RAPH1: variants seen among roughly 807,000 people sequenced by gnomAD.
The protein encoded by RAPH1 is ras-associated and pleckstrin homology domains-containing protein 1.
RAPH1 carries 18 observed loss-of-function variants against 88.1 expected under a neutral mutation model. The ratio of observed to expected loss-of-function variants is 0.20; its 90% CI spans 0.14 to 0.30. RAPH1 has a LOEUF of 0.30. RAPH1 is among the 10% of genes least tolerant of loss of function. The pLI, the probability that RAPH1 is intolerant of heterozygous loss-of-function variation, is 1.00. For missense variants in RAPH1, 1,448 were observed against 1,543.2 expected (o/e 0.94, Z 1.03); for synonymous variants, 587 against 559.0 (o/e 1.05, Z -0.71).
intron 4 of RAPH1, among the ~76,000 whole-genome samples, chr2:203,484,137 A>G: frequency 6.6e-6 from 1 of 152,212 alleles, no homozygotes; most frequent in East Asian, 1.9e-4. Context: ...GATATTGATT[A>G]GAGATGGAAT....
intron 1 of RAPH1, among the ~76,000 whole-genome samples, chr2:203,523,504 A>T (rs1446142486): frequency 2.0e-5 from 3 of 152,130 alleles, no homozygotes; most frequent in Non-Finnish European, 4.4e-5. Context: ...GATATCACTC[A>T]TAAACAAAAA....
intron 1 of RAPH1, among the ~76,000 whole-genome samples, chr2:203,508,210 A>G (rs1048331895): frequency 6.9e-6 from 1 of 144,298 alleles, no homozygotes; most frequent in African/African-American, 2.6e-5. Context: ...CAACAGAGCA[A>G]GACTCTGTCT....
chr2:203,489,152 GAA>G (rs149623019), intron 4 of RAPH1, among the ~76,000 whole-genome samples: 1 of 140,534 alleles, frequency 7.1e-6, no homozygotes. Context: ...AAAAAAAGGA[GAA>G]AAAAAAAAAG....
intron 1 of RAPH1, among the ~76,000 whole-genome samples, chr2:203,521,091 TTG>T (rs1259132138): frequency 6.6e-6 from 1 of 152,198 alleles, no homozygotes; most frequent in African/African-American, 2.4e-5. Context: ...TCTTGCTCTG[TTG>T]CCCAGCCTGG....
intron 7 of RAPH1, 36 bp from the exon 8 acceptor site, chr2:203,457,631 G>C: frequency 6.9e-7 from 1 of 1,446,180 alleles, no homozygotes. Flanking sequence ...ATGGGTGGGA[G>C]AGAAAAAAAG....
At chr2:203,495,817 G>A (rs1057187773) in intron 1 of RAPH1, among the ~76,000 whole-genome samples, 1 of 152,108 alleles carries the variant, frequency 6.6e-6, no homozygotes, top group Admixed American at 6.6e-5. Context: ...AGTCCAACAA[G>A]TATTTAAGAG....
chr2:203,448,642 T>G lies in RAPH1; in HGVS notation c.1512+96A>C. 1 of 762,544 alleles carries G rather than the reference T, an allele frequency of 1.3e-6. No individual in the cohort carries two copies. The highest frequency in any genetic ancestry group is 2.9e-5 in the East Asian group (1 of 34,870). The allele number at this position is 762,544 out of a possible 1,614,324, so 47.2% of individuals were successfully genotyped here. A position where few individuals can be genotyped will look rare whatever the true frequency, so the allele number is the denominator to read the frequency against. ...AAAAACGTAGGCACTGGCAAATCCATGAACATGAAATAGTCAGAATAGTTG... is the reference window on the plus strand; with the variant it reads ...AAAAACGTAGGCACTGGCAAATCCAGGAACATGAAATAGTCAGAATAGTTG... On this transcript the variant is annotated intron_variant, in intron 11 of 13. Transcript: ENST00000319170. This position sits in a 1 kb window ranked among gnomAD's most constrained non-coding sequence, Gnocchi z 4.1.
At chr2:203,505,883 C>T (rs1417445334) in intron 1 of RAPH1, among the ~76,000 whole-genome samples, 3 of 152,158 alleles carry the variant, frequency 2.0e-5, no homozygotes, top group Non-Finnish European at 2.9e-5. Context: ...CACTTCAGAC[C>T]TTTTGCTGTT....
Position 203,436,159 on chromosome 2 carries a change from A to G in RAPH1, c.*3278T>C, listed in dbSNP as rs2098498320. ...GGGACCCAAGACAGTTCACCAAGATAGTTCACAGCCCTTTGCAGGATATGC... is the reference window on the plus strand; with the variant it reads ...GGGACCCAAGACAGTTCACCAAGATGGTTCACAGCCCTTTGCAGGATATGC... On this transcript the variant is annotated 3_prime_UTR_variant, in exon 14 of 14. Coordinates refer to ENST00000319170, the MANE Select transcript of RAPH1 (RefSeq NM_213589.3). The G allele has an allele frequency of 6.6e-6, 1 of 152,246 alleles. No individual in the cohort carries two copies. Among genetic ancestry groups the G allele is most frequent in the Non-Finnish European group, 1.5e-5 (1 of 68,040 alleles). 9.4% of individuals were successfully genotyped at this position (152,246 alleles called of 1,614,324 possible). A position where few individuals can be genotyped will look rare whatever the true frequency, so the allele number is the denominator to read the frequency against.
intron 4 of RAPH1, among the ~76,000 whole-genome samples, chr2:203,475,492 C>CT (rs1687377799): frequency 6.6e-6 from 1 of 152,202 alleles, no homozygotes; most frequent in Non-Finnish European, 1.5e-5. Context: ...TTACTACCAT[C>CT]TCATCCCACA....
chr2:203,474,131 T>C (rs2098535401), intron 4 of RAPH1, among the ~76,000 whole-genome samples: 1 of 152,134 alleles, frequency 6.6e-6, no homozygotes, highest in Admixed American at 6.6e-5. Flanking sequence ...AAGAGGCTGC[T>C]GGGGTCGCAG....
intron 4 of RAPH1, among the ~76,000 whole-genome samples, chr2:203,466,221 C>T (rs1483692427): frequency 6.6e-6 from 1 of 152,150 alleles, no homozygotes; most frequent in Non-Finnish European, 1.5e-5. Context: ...ATCATGATAC[C>T]TCTTTTAGAG....
intron 1 of RAPH1, among the ~76,000 whole-genome samples, chr2:203,521,860 T>C (rs1006379156): frequency 7.9e-5 from 12 of 152,326 alleles, no homozygotes; most frequent in Non-Finnish European, 1.3e-4. Context: ...ATACCAAAAA[T>C]TTTAACTGTA....
rs201848468 is a variant in RAPH1, at chr2:203,440,968, C to A, written c.2222G>T (p.Ser741Ile). The A allele has an allele frequency of 5.8e-5, 91 of 1,567,542 alleles. No individual in the cohort carries two copies. Among genetic ancestry groups the A allele is most frequent in the Non-Finnish European group, 7.1e-5 (83 of 1,162,866 alleles). ...GATCTTCAGTGGAGGAGGCGGGGCA[C>A]TGAACTGTGGAAGGGATGGGGCACA... ...APCAPSLPQF[S>I]APPPPLKIHQ... The change falls in exon 14 of 14, where the codon AGT becomes ATT. Residue 741 changes from serine (S) to isoleucine (I), a missense_variant. Physicochemically the swap from Ser to Ile is moderately radical, Grantham distance 142. Coordinates refer to ENST00000319170, the MANE Select transcript of RAPH1 (RefSeq NM_213589.3).
chr2:203,507,614 A>C (rs62182809), intron 1 of RAPH1, among the ~76,000 whole-genome samples: 65,848 of 152,060 alleles, frequency 0.43, 16,623 homozygotes, highest in Middle Eastern at 0.7. Context: ...GAATCAAATC[A>C]TAAGAGACAT....
chr2:203,449,613 A>T (rs2098513038), intron 10 of RAPH1, among the ~76,000 whole-genome samples: 1 of 152,238 alleles, frequency 6.6e-6, no homozygotes, highest in Non-Finnish European at 1.5e-5. Flanking sequence ...GCCCTAAATC[A>T]CACTTGTTCT....
chr2:203,441,630 C>A, intron 13 of RAPH1: 2 of 1,345,408 alleles, frequency 1.5e-6, no homozygotes, highest in East Asian at 3.0e-5. Context: ...TGTTTTACCC[C>A]ACAGTAAAAT....
intron 1 of RAPH1, among the ~76,000 whole-genome samples, chr2:203,509,214 G>A (rs1378271409): frequency 6.6e-6 from 1 of 151,628 alleles, no homozygotes; most frequent in Non-Finnish European, 1.5e-5. Context: ...GGGATTACAG[G>A]TGCACACCAC....
intron 1 of RAPH1, among the ~76,000 whole-genome samples, chr2:203,523,582 G>C (rs1360285427): frequency 6.6e-6 from 1 of 151,788 alleles, no homozygotes; most frequent in African/African-American, 2.4e-5. Context: ...AGAAAATATG[G>C]AAATATACTT....
Sources: gnomAD v4.1 joint callset for allele counts (sites outside exome capture counted in the v4.1 genomes callset) on GRCh38, gnomAD v4.1.1 for gene constraint, Gnocchi (gnomAD v3.1) non-coding constraint, MANE v1.5 for transcripts, NCBI Gene and HGNC (gene_info 2026-07-23, HGNC 2026-07-21) for gene names.